The following CSTPP1 variants were observed in gnomAD, a reference collection of about 807,000 sequenced individuals.
CSTPP1 encodes UPF0705 protein C11orf49.
At chr11:46,998,210 G>A in the CSTPP1 span, among the ~76,000 whole-genome samples, 1 of 152,130 alleles carries the variant, frequency 6.6e-6, no homozygotes, top group Admixed American at 6.6e-5. Context: ...GATTCTTTGT[G>A]GTAAAGCTCT....
the CSTPP1 span, among the ~76,000 whole-genome samples, chr11:47,109,945 C>T: frequency 9.2e-5 from 14 of 152,182 alleles, no homozygotes; most frequent in South Asian, 6.2e-4. Flanking sequence ...TCCCATCTCC[C>T]GGTCTTTGCC....
the CSTPP1 span, among the ~76,000 whole-genome samples, chr11:47,143,429 T>A: frequency 2.0e-5 from 3 of 152,202 alleles, no homozygotes; most frequent in Admixed American, 6.5e-5. Context: ...CAGTCTGTGA[T>A]GATGTGTGCG....
At chr11:47,064,350 T>A in the CSTPP1 span, among the ~76,000 whole-genome samples, 1 of 152,200 alleles carries the variant, frequency 6.6e-6, no homozygotes, top group Non-Finnish European at 1.5e-5. Flanking sequence ...GTTTTTCTTT[T>A]GTCCTCTGTG....
chr11:47,046,431 A>G, the CSTPP1 span, among the ~76,000 whole-genome samples: 17 of 152,144 alleles, frequency 1.1e-4, no homozygotes, highest in African/African-American at 3.1e-4. Context: ...TGTTTAAAAG[A>G]GCATCCAAAA....
the CSTPP1 span, chr11:47,155,324 G>T: frequency 7.1e-7 from 1 of 1,401,542 alleles, no homozygotes; most frequent in African/African-American, 1.4e-5. Flanking sequence ...CTGCCCTGCT[G>T]CCCTGCCCAT....
At chr11:46,991,865 C>G in the CSTPP1 span, among the ~76,000 whole-genome samples, 3 of 152,216 alleles carry the variant, frequency 2.0e-5, no homozygotes, top group Admixed American at 6.5e-5. Context: ...CTCAGCCTCC[C>G]GAGTAGCTGG....
the CSTPP1 span, among the ~76,000 whole-genome samples, chr11:47,064,352 TC>T: frequency 6.6e-6 from 1 of 152,304 alleles, no homozygotes; most frequent in Admixed American, 6.5e-5. Flanking sequence ...TTTTCTTTTG[TC>T]CTCTGTGTTT....
At chr11:47,133,547 C>T in the CSTPP1 span, among the ~76,000 whole-genome samples, 2 of 152,204 alleles carry the variant, frequency 1.3e-5, no homozygotes, top group African/African-American at 2.4e-5. Flanking sequence ...AGCCCATGCC[C>T]TCTGGCCTGA....
chr11:47,101,190 A>ATTTTTTTTTTTTT, the CSTPP1 span, among the ~76,000 whole-genome samples: 1 of 62,574 alleles, frequency 1.6e-5, no homozygotes, highest in Non-Finnish European at 2.7e-5. Flanking sequence ...TTTTTTTTTT[A>ATTTTTTTTTTTTT]TTTTATTTTT....
the CSTPP1 span, among the ~76,000 whole-genome samples, chr11:46,953,937 G>A: frequency 1.3e-5 from 2 of 152,156 alleles, no homozygotes; most frequent in South Asian, 4.1e-4. Context: ...TAAGAATCAA[G>A]ATTATCTTCT....
the CSTPP1 span, among the ~76,000 whole-genome samples, chr11:47,075,583 A>G: frequency 6.6e-6 from 1 of 152,060 alleles, no homozygotes; most frequent in Non-Finnish European, 1.5e-5. Flanking sequence ...TTTGTGCCAT[A>G]GAGGCCTAAA....
the CSTPP1 span, among the ~76,000 whole-genome samples, chr11:47,083,762 C>T: frequency 2.0e-5 from 3 of 152,214 alleles, no homozygotes; most frequent in African/African-American, 7.2e-5. Flanking sequence ...TGTTCATCCA[C>T]ATTGTGGAAT....
the CSTPP1 span, among the ~76,000 whole-genome samples, chr11:46,973,354 C>G: frequency 2.6e-5 from 4 of 152,090 alleles, no homozygotes; most frequent in Admixed American, 2.6e-4. Flanking sequence ...TATATGGATG[C>G]TTTATGTTAG....
At chr11:47,123,860 T>G in the CSTPP1 span, among the ~76,000 whole-genome samples, 1 of 151,720 alleles carries the variant, frequency 6.6e-6, no homozygotes, top group African/African-American at 2.4e-5. Context: ...AATTAGCCAG[T>G]GTGGTGGCTT....
the CSTPP1 span, among the ~76,000 whole-genome samples, chr11:47,054,169 G>A: frequency 6.6e-6 from 1 of 151,466 alleles, no homozygotes; most frequent in African/African-American, 2.4e-5. Flanking sequence ...AAATTAGCCG[G>A]GTGTGGTGGC....
At chr11:46,938,154 G>C in the CSTPP1 span, among the ~76,000 whole-genome samples, 1 of 152,050 alleles carries the variant, frequency 6.6e-6, no homozygotes, top group Non-Finnish European at 1.5e-5. Flanking sequence ...GATTACAGGC[G>C]TGAGCCACTG....
chr11:47,161,585 G>A, the CSTPP1 span: 1 of 1,614,078 alleles, frequency 6.2e-7, no homozygotes, highest in South Asian at 1.1e-5. Flanking sequence ...TTCCCGAAAA[G>A]TGGATGGAGA....
chr11:47,073,663 A>G, the CSTPP1 span, among the ~76,000 whole-genome samples: 32 of 152,300 alleles, frequency 2.1e-4, 1 homozygote, highest in Non-Finnish European at 4.3e-4. Context: ...GATAATAATA[A>G]TGCTTTTTGA....
the CSTPP1 span, chr11:46,936,932 T>A: frequency 1.3e-4 from 113 of 901,964 alleles, no homozygotes; most frequent in Non-Finnish European, 1.7e-4. Context: ...GGGGGCGGGG[T>A]CTGAGTGGGA....
Sources: allele counts gnomAD v4.1 joint callset (sites outside exome capture counted in the v4.1 genomes callset), GRCh38; gene constraint gnomAD v4.1.1; transcripts MANE v1.5; gene names NCBI Gene and HGNC (gene_info 2026-07-23, HGNC 2026-07-21).